The following KCNN2 variants were observed in gnomAD, a reference collection of about 807,000 sequenced individuals.
The protein encoded by KCNN2 is small conductance calcium-activated potassium channel protein 2.
In KCNN2, 24 loss-of-function variants were observed where a neutral mutation model predicts 55.5. The ratio of observed to expected loss-of-function variants is 0.43; its 90% CI spans 0.31 to 0.61. The LOEUF is 0.61. Among genes scored for constraint, KCNN2 ranks in the 20% least tolerant of loss-of-function variants. KCNN2 has a pLI of 0.08. For missense variants in KCNN2, 754 were observed against 853.6 expected, an observed-to-expected ratio of 0.88 and a Z score of 1.45; for synonymous variants, 431 against 336.1, an observed-to-expected ratio of 1.28 and a Z score of -3.09.
At chr5:114,369,744 T>C (rs1291986672) in intron 2 of KCNN2, among the ~76,000 whole-genome samples, 1 of 152,168 alleles carries the variant, frequency 6.6e-6, no homozygotes, top group African/African-American at 2.4e-5. Context: ...ATCTCTGCAT[T>C]ATTAATGGGT....
intron 1 of KCNN2, among the ~76,000 whole-genome samples, chr5:114,159,653 A>T (rs999748819): frequency 1.3e-5 from 2 of 152,064 alleles, no homozygotes; most frequent in Non-Finnish European, 2.9e-5. Flanking sequence ...TTGGTTGGTA[A>T]GCTTTTAATT....
rs373167761 is a variant in KCNN2 at position 114,403,631 on chromosome 5, C to T, written c.1219-807C>T. Among the ~76,000 whole-genome samples, 185 of 152,288 alleles carry T rather than the reference C, an allele frequency of 1.2e-3. 1 individual carries two copies. In the South Asian group the frequency reaches 0.018, roughly 15 times the overall value. On this transcript the variant is annotated intron_variant, in intron 2 of 7. Coordinates refer to ENST00000673685, the MANE Select transcript of KCNN2 (RefSeq NM_021614.4). ...TGCCAGGGCCTGGAGGACTTGTTTA[C>T]AGAGAGCCAGGGAAGAGAGGAAGAT...
intron 1 of KCNN2, among the ~76,000 whole-genome samples, chr5:114,070,505 C>G (rs1750546541): frequency 6.6e-6 from 1 of 152,220 alleles, no homozygotes. Flanking sequence ...CGGGCTGTCT[C>G]TTCCAGAGAC....
At chr5:114,345,657 A>G (rs1757092172) in intron 2 of KCNN2, among the ~76,000 whole-genome samples, 1 of 152,256 alleles carries the variant, frequency 6.6e-6, no homozygotes, top group Admixed American at 6.5e-5. Flanking sequence ...TTGCATTGTT[A>G]TAAAGAAATA....
chr5:114,418,106 C>T (rs1310136546), intron 3 of KCNN2, among the ~76,000 whole-genome samples: 1 of 151,832 alleles, frequency 6.6e-6, no homozygotes, highest in African/African-American at 2.4e-5. Flanking sequence ...TACAAAGGGT[C>T]GTTATGAAGA....
intron 2 of KCNN2, chr5:114,253,748 T>C (rs74441134): frequency 6.6e-6 from 1 of 152,194 alleles, no homozygotes; most frequent in Non-Finnish European, 1.5e-5. Context: ...CTTATTTACA[T>C]TATTGTCTCT....
chr5:114,361,696 C>A (rs192521503), upstream of KCNN2, among the ~76,000 whole-genome samples: 1 of 152,162 alleles, frequency 6.6e-6, no homozygotes, highest in Non-Finnish European at 1.5e-5. Flanking sequence ...GCAGGTGATC[C>A]GGGCAGCGCG....
chr5:114,321,295 T>A (rs1244237353), intron 2 of KCNN2, among the ~76,000 whole-genome samples: 2 of 152,158 alleles, frequency 1.3e-5, no homozygotes, highest in African/African-American at 4.8e-5. Context: ...GAGTCTTGTG[T>A]TCATGTGTGC....
At chr5:114,094,561 A>G (rs1396837538) in intron 1 of KCNN2, among the ~76,000 whole-genome samples, 4 of 152,216 alleles carry the variant, frequency 2.6e-5, no homozygotes, top group Admixed American at 6.5e-5. Context: ...AACTACTTCC[A>G]TGCTTTGTGA....
intron 2 of KCNN2, among the ~76,000 whole-genome samples, chr5:114,312,379 A>G: frequency 7.7e-6 from 1 of 129,580 alleles, no homozygotes; most frequent in East Asian, 2.5e-4. Context: ...TGAAATAAAA[A>G]AGGAGATACA....
chr5:114,343,837 T>A (rs1482765824), intron 2 of KCNN2, among the ~76,000 whole-genome samples: 1 of 152,166 alleles, frequency 6.6e-6, no homozygotes, highest in Non-Finnish European at 1.5e-5. Context: ...TTTGAGAAGC[T>A]GTCTAATCCC....
chr5:114,124,633 G>T (rs1382701009), intron 1 of KCNN2, among the ~76,000 whole-genome samples: 7 of 152,264 alleles, frequency 4.6e-5, no homozygotes, highest in Non-Finnish European at 7.4e-5. Flanking sequence ...CTCTGCTCCA[G>T]TCCAGGCGGC....
At chr5:114,161,757 T>C (rs1256916407) in intron 1 of KCNN2, among the ~76,000 whole-genome samples, 3 of 152,230 alleles carry the variant, frequency 2.0e-5, no homozygotes, top group Non-Finnish European at 4.4e-5. Context: ...TCGTTTTGTC[T>C]TCCATCGCCT....
At chr5:114,073,085 T>C (rs1207740033) in intron 1 of KCNN2, among the ~76,000 whole-genome samples, 1 of 152,208 alleles carries the variant, frequency 6.6e-6, no homozygotes, top group Admixed American at 6.5e-5. Context: ...GTATTTGTTA[T>C]GTGAAATCAA....
intron 1 of KCNN2, among the ~76,000 whole-genome samples, chr5:114,201,944 A>G (rs976257638): frequency 4.1e-5 from 6 of 147,906 alleles, no homozygotes; most frequent in African/African-American, 1.5e-4. Context: ...GTATGTTACC[A>G]GAAAGGGCAG....
chr5:114,124,712 C>T (rs1004475263), intron 1 of KCNN2, among the ~76,000 whole-genome samples: 1 of 152,154 alleles, frequency 6.6e-6, no homozygotes, highest in African/African-American at 2.4e-5. Context: ...CTATTCTCAA[C>T]ATCTTTTCCA....
chr5:114,433,089 G>T (rs1419062592), intron 3 of KCNN2, among the ~76,000 whole-genome samples: 1 of 152,200 alleles, frequency 6.6e-6, no homozygotes, highest in Non-Finnish European at 1.5e-5. Flanking sequence ...GGACTGGCAG[G>T]CAGCTCCACC....
chr5:114,195,382 T>G (rs1753533195), intron 1 of KCNN2, among the ~76,000 whole-genome samples: 1 of 152,046 alleles, frequency 6.6e-6, no homozygotes, highest in African/African-American at 2.4e-5. Context: ...ATTTGTAGTT[T>G]TAAGGCTGTG....
At chr5:114,378,069 A>C (rs1172451378) in intron 2 of KCNN2, among the ~76,000 whole-genome samples, 1 of 152,222 alleles carries the variant, frequency 6.6e-6, no homozygotes, top group Non-Finnish European at 1.5e-5. Context: ...TAAGAGGGAC[A>C]TTGGGCAGAG....
Sources: allele counts gnomAD v4.1 joint callset (sites outside exome capture counted in the v4.1 genomes callset), GRCh38; gene constraint gnomAD v4.1.1; transcripts MANE v1.5; gene names NCBI Gene and HGNC (gene_info 2026-07-23, HGNC 2026-07-21).